The following FAH variants were observed in gnomAD, a reference collection of about 807,000 sequenced individuals.
The protein encoded by FAH is fumarylacetoacetase.
In FAH, 47 loss-of-function variants were observed where a neutral mutation model predicts 55.8. The ratio of observed to expected loss-of-function variants is 0.84; its 90% CI spans 0.67 to 1.07. FAH has a LOEUF of 1.07. Among genes scored for constraint, FAH ranks in the 50% least tolerant of loss-of-function variants. The pLI is 0.00. For synonymous variants in FAH, 199 were observed against 207.7 expected, an observed-to-expected ratio of 0.96 and a Z score of 0.36; for missense variants, 495 against 545.9, an observed-to-expected ratio of 0.91 and a Z score of 0.93.
chr15:80,180,945 G>A (rs1054567054), intron 12 of FAH, 97 bp from the exon 13 acceptor site: 7 of 978,418 alleles, frequency 7.2e-6, no homozygotes, highest in Non-Finnish European at 1.1e-5. Context: ...AGGGCCCCCT[G>A]CCACTTCTCG....
chr15:80,160,498 C>A, intron 4 of FAH, 39 bp downstream of exon 4: 1 of 1,601,390 alleles, frequency 6.2e-7, no homozygotes, highest in Non-Finnish European at 8.6e-7. Context: ...AACGGAGCAG[C>A]TTCGTGGGCC....
At chr15:80,169,125 G>A (rs1243985168) in intron 7 of FAH, among the ~76,000 whole-genome samples, 1 of 152,206 alleles carries the variant, frequency 6.6e-6, no homozygotes, top group Admixed American at 6.5e-5. Flanking sequence ...GCTCACACCT[G>A]TAATCCCAGC....
intron 10 of FAH, among the ~76,000 whole-genome samples, chr15:80,176,830 G>T (rs1326998517): frequency 6.6e-6 from 1 of 152,260 alleles, no homozygotes; most frequent in African/African-American, 2.4e-5. Flanking sequence ...TCCTGCATTT[G>T]CAGTTCTGAT....
At chr15:80,177,604 G>A in intron 11 of FAH, 21 bp downstream of exon 11, 2 of 1,609,216 alleles carry the variant, frequency 1.2e-6, no homozygotes, top group Non-Finnish European at 1.7e-6. Flanking sequence ...ACGCTGATCA[G>A]ACTGCTTTTT....
At position 80,173,020 on chromosome 15, in the gene FAH, A is replaced by G. The variant is rs775814901; in HGVS notation, c.713A>G (p.Asp238Gly). The G allele has an allele frequency of 9.9e-6, 16 of 1,613,998 alleles. No individual in the cohort carries two copies. The highest frequency in any genetic ancestry group is 1.7e-5 in the Admixed American group (1 of 59,998). The change falls in exon 9 of 14, where the codon GAC becomes GGC. Residue 238 changes from aspartate (D) to glycine (G), a missense_variant. Physicochemically the swap from Asp to Gly is moderately conservative, Grantham distance 94. Coordinates refer to ENST00000561421, the MANE Select transcript of FAH (RefSeq NM_000137.4). ...MVLMNDWSARDIQKWEYVPLG... is the reference protein window; with the variant it reads ...MVLMNDWSARGIQKWEYVPLG... ...CTGTGCCCTTCTTCTGCAGCACGAG[A>G]CATTCAGAAGTGGGAGTATGTCCCT...
chr15:80,184,386 T>C (rs2041353612), intron 13 of FAH, among the ~76,000 whole-genome samples: 1 of 152,174 alleles, frequency 6.6e-6, no homozygotes, highest in Non-Finnish European at 1.5e-5. Context: ...CCCAGCATTA[T>C]TGCTTGCCTT....
intron 5 of FAH, chr15:80,166,926 T>A (rs1595892691): frequency 6.6e-6 from 1 of 152,206 alleles, no homozygotes; most frequent in African/African-American, 2.4e-5. Flanking sequence ...TGAGCCACCG[T>A]GCCCGGCCTA....
chr15:80,182,309 A>G (rs149232738), intron 13 of FAH, among the ~76,000 whole-genome samples: 176 of 152,276 alleles, frequency 1.2e-3, no homozygotes, highest in African/African-American at 3.6e-3. Flanking sequence ...ATATAAGGTA[A>G]CATTCACAGG....
chr15:80,163,819 G>A (rs1022721183), intron 5 of FAH: 3 of 152,334 alleles, frequency 2.0e-5, no homozygotes, highest in African/African-American at 7.2e-5. Flanking sequence ...GAGCAAGGAT[G>A]TTAATTAGCA....
chr15:80,168,205 G>A, intron 6 of FAH, 56 bp downstream of exon 6: 1 of 1,610,196 alleles, frequency 6.2e-7, no homozygotes, highest in Non-Finnish European at 8.5e-7. Context: ...TTCCCACACA[G>A]AGAGTTCTGT....
intron 12 of FAH, among the ~76,000 whole-genome samples, chr15:80,180,641 T>G (rs1445559318): frequency 1.3e-5 from 2 of 152,116 alleles, no homozygotes; most frequent in East Asian, 1.9e-4. Flanking sequence ...CTTGGGGTGG[T>G]GCATGTGTCA....
At chr15:80,153,723 G>A (rs1255993522) in intron 1 of FAH, among the ~76,000 whole-genome samples, 1 of 151,526 alleles carries the variant, frequency 6.6e-6, no homozygotes, top group South Asian at 2.1e-4. Context: ...AAGAAAGAGG[G>A]CAGGGAAACA....
chr15:80,169,028 G>A (rs2041219092), intron 7 of FAH, among the ~76,000 whole-genome samples: 1 of 152,192 alleles, frequency 6.6e-6, no homozygotes, highest in Admixed American at 6.5e-5. Context: ...ACCTAATCCT[G>A]TGTTTCCTCT....
intron 9 of FAH, among the ~76,000 whole-genome samples, chr15:80,173,939 C>G (rs1014556160): frequency 2.0e-5 from 3 of 152,198 alleles, no homozygotes; most frequent in African/African-American, 7.2e-5. Context: ...CTGGGGGCCT[C>G]TACCAACACC....
chr15:80,173,153 A>T lies in FAH; in HGVS notation c.837+9A>T, dbSNP rs369092208. ...TGCCCAACCCGAAGCAGGTAAGCACATTCTCTGCAGGAAGCTCCCAAACCC... is the reference window on the plus strand; with the variant it reads ...TGCCCAACCCGAAGCAGGTAAGCACTTTCTCTGCAGGAAGCTCCCAAACCC... On this transcript the variant is annotated intron_variant, in intron 9 of 13. Coordinates refer to ENST00000561421, the MANE Select transcript of FAH (RefSeq NM_000137.4). The T allele has an allele frequency of 3.2e-4, 514 of 1,614,062 alleles. 3 individuals are homozygous for T. The highest frequency in any genetic ancestry group is 2.0e-5 in the Non-Finnish European group (24 of 1,180,036).
At position 80,175,032 on chromosome 15, in the gene FAH, C is replaced by G; in HGVS notation, c.854C>G (p.Pro285Arg). The G allele has an allele frequency of 4.3e-6, 7 of 1,611,130 alleles. No individual in the cohort carries two copies. Among genetic ancestry groups the G allele is most frequent in the Non-Finnish European group, 5.9e-6 (7 of 1,178,908 alleles). The stretch of plus-strand genomic sequence containing the variant: ...CCCTCTCAGGACCCCAGGCCCCTGC[C>G]GTATCTGTGCCATGACGAGCCCTAC... ...PNPKQDPRPL[P>R]YLCHDEPYTF... The change falls in exon 10 of 14, where the codon CCG becomes CGG. Residue 285 changes from proline (P) to arginine (R), a missense_variant. Pro to Arg is a moderately radical substitution (Grantham distance 103, BLOSUM62 -2). Transcript: ENST00000561421.
At chr15:80,169,409 C>T (rs993135214) in intron 7 of FAH, among the ~76,000 whole-genome samples, 2 of 152,016 alleles carry the variant, frequency 1.3e-5, no homozygotes, top group African/African-American at 4.8e-5. Context: ...AACAAAAACC[C>T]AAAAATAATA....
At chr15:80,167,886 C>T (rs916404568) in intron 5 of FAH, among the ~76,000 whole-genome samples, 166 bp from the exon 6 acceptor site, 2 of 152,156 alleles carry the variant, frequency 1.3e-5, no homozygotes, top group Admixed American at 1.3e-4. Context: ...GTATGTACCA[C>T]AGTTTGTTTA....
chr15:80,177,728 T>C, intron 11 of FAH, 145 bp downstream of exon 11: 1 of 767,692 alleles, frequency 1.3e-6, no homozygotes, highest in Middle Eastern at 2.3e-4. Flanking sequence ...GCCTGTCTCT[T>C]TTAGGAGTGG....
Sources: gnomAD v4.1 joint callset for allele counts (sites outside exome capture counted in the v4.1 genomes callset) on GRCh38, gnomAD v4.1.1 for gene constraint, MANE v1.5 for transcripts, NCBI Gene and HGNC (gene_info 2026-07-23, HGNC 2026-07-21) for gene names.